The following NTRK2 variants were observed in gnomAD, a reference collection of about 807,000 sequenced individuals.
NTRK2 encodes the protein BDNF/NT-3 growth factors receptor.
NTRK2 carries 13 observed loss-of-function variants against 94.5 expected under a neutral mutation model. The observed-to-expected ratio is 0.14, with a 90% CI of 0.09 to 0.22. The LOEUF (loss-of-function observed/expected upper bound fraction) is 0.22, where lower values mean the gene tolerates loss of function less well. NTRK2 is among the 10% of genes least tolerant of loss of function. The pLI, the probability that NTRK2 is intolerant of heterozygous loss-of-function variation, is 1.00. For missense variants in NTRK2, 639 were observed against 1,071.2 expected (o/e 0.60, Z 5.63); for synonymous variants, 372 against 407.4 (o/e 0.91, Z 1.05).
At chr9:84,917,172 G>A (rs2077419033) in intron 14 of NTRK2, among the ~76,000 whole-genome samples, 1 of 152,176 alleles carries the variant, frequency 6.6e-6, no homozygotes. Flanking sequence ...AGTCAATGGT[G>A]TCAGGTGAGA....
In NTRK2 at chr9:84,675,692, A is replaced by C. The variant is rs575786610; in HGVS notation, c.212+4732A>C. 1.7e-3 allele frequency among the ~76,000 whole-genome samples: 265 copies of C among 152,060 alleles called. 1 individual carries two copies. Among genetic ancestry groups the C allele is most frequent in the African/African-American group, 6.1e-3 (252 of 41,486 alleles). Reference sequence around the variant, plus strand: ...GAGAAAGATAGAGGGAAGAAAAAAAACCCTGAATCTTGGATTATTTATGGT... The same window carrying C: ...GAGAAAGATAGAGGGAAGAAAAAAACCCCTGAATCTTGGATTATTTATGGT... On this transcript the variant is annotated intron_variant, in intron 2 of 18. Coordinates refer to ENST00000277120, the MANE Select transcript of NTRK2 (RefSeq NM_006180.6).
chr9:84,817,232 C>A (rs1213033701), intron 12 of NTRK2, among the ~76,000 whole-genome samples: 2 of 152,082 alleles, frequency 1.3e-5, no homozygotes, highest in Admixed American at 1.3e-4. Context: ...GAATTACAAA[C>A]CCACTCGCAT....
chr9:85,017,782 T>G (rs1832389943), intron 17 of NTRK2, among the ~76,000 whole-genome samples: 1 of 152,168 alleles, frequency 6.6e-6, no homozygotes, highest in Admixed American at 6.5e-5. Context: ...ATTTTAAGAT[T>G]CCTACTTCTC....
At chr9:84,766,396 T>A (rs1045836879) in intron 12 of NTRK2, among the ~76,000 whole-genome samples, 2 of 152,128 alleles carry the variant, frequency 1.3e-5, no homozygotes, top group Non-Finnish European at 2.9e-5. Context: ...TGTTGTTTTG[T>A]TTTTTTATTC....
intron 15 of NTRK2, among the ~76,000 whole-genome samples, chr9:84,938,217 G>A (rs917140477): frequency 1.3e-5 from 2 of 152,156 alleles, no homozygotes; most frequent in African/African-American, 4.8e-5. Context: ...TGCTTTTCAT[G>A]TTTCCAAATT....
intron 17 of NTRK2, among the ~76,000 whole-genome samples, chr9:85,014,354 C>T (rs116231941): frequency 9.2e-5 from 14 of 152,240 alleles, no homozygotes; most frequent in African/African-American, 2.9e-4. Flanking sequence ...ACCTGGAAAA[C>T]GAGTGGTGCA....
chr9:84,974,977 T>C (rs1826641916), intron 17 of NTRK2, among the ~76,000 whole-genome samples: 1 of 152,192 alleles, frequency 6.6e-6, no homozygotes, highest in Non-Finnish European at 1.5e-5. Context: ...CAGGATGTTC[T>C]GAGCCCTGTC....
At chr9:84,845,430 G>T (rs1340955000) in intron 12 of NTRK2, among the ~76,000 whole-genome samples, 10 of 152,138 alleles carry the variant, frequency 6.6e-5, no homozygotes. Context: ...AGTAAATACA[G>T]ATGTCTCATT....
chr9:84,978,139 G>T lies in NTRK2; in HGVS notation c.2172+22622G>T, dbSNP rs561515703. ...CCTCCAAGTTTTCAAGTGAAAGGAG[G>T]AGTCACACATATCTCACTTTAAATC... is the stretch of plus-strand genomic sequence containing the variant. On this transcript the variant is annotated intron_variant, in intron 17 of 18. Coordinates refer to ENST00000277120, the MANE Select transcript of NTRK2 (RefSeq NM_006180.6). Among the ~76,000 whole-genome samples the T allele has an allele frequency of 1.6e-4, 25 of 152,256 alleles. No individual in the cohort carries two copies. The South Asian group carries it at 5.2e-3, about 32-fold the overall frequency.
At chr9:85,020,859 T>C (rs928740445) in intron 18 of NTRK2, among the ~76,000 whole-genome samples, 1 of 152,226 alleles carries the variant, frequency 6.6e-6, no homozygotes, top group Non-Finnish European at 1.5e-5. Flanking sequence ...TTCAGATCCA[T>C]TTCTATCTTT....
chr9:85,013,261 C>T (rs1831833029), intron 17 of NTRK2, among the ~76,000 whole-genome samples: 1 of 152,200 alleles, frequency 6.6e-6, no homozygotes, highest in South Asian at 2.1e-4. Context: ...TGTCTGGCCA[C>T]AATGGCTCCA....
intron 14 of NTRK2, chr9:84,872,434 T>C: frequency 9.3e-7 from 1 of 1,076,550 alleles, no homozygotes; most frequent in South Asian, 4.3e-5. Context: ...AAATTCTGTC[T>C]TCCCTAGAGC....
intron 12 of NTRK2, among the ~76,000 whole-genome samples, chr9:84,782,675 C>T (rs908455785): frequency 6.6e-6 from 1 of 152,134 alleles, no homozygotes; most frequent in Non-Finnish European, 1.5e-5. Context: ...TGATAAATAC[C>T]ATTGTACTTG....
intron 14 of NTRK2, among the ~76,000 whole-genome samples, chr9:84,929,644 C>T (rs1269796095): frequency 6.6e-6 from 1 of 151,968 alleles, no homozygotes; most frequent in Non-Finnish European, 1.5e-5. Flanking sequence ...TCACTGCAAC[C>T]TCTGCCTCCC....
intron 12 of NTRK2, among the ~76,000 whole-genome samples, chr9:84,753,479 G>A (rs1054520552): frequency 6.6e-6 from 1 of 152,118 alleles, no homozygotes; most frequent in African/African-American, 2.4e-5. Flanking sequence ...CCTGGTTGTT[G>A]TGTTCTCTAC....
intron 11 of NTRK2, among the ~76,000 whole-genome samples, chr9:84,749,964 T>C (rs2064438842): frequency 6.6e-6 from 1 of 152,258 alleles, no homozygotes; most frequent in African/African-American, 2.4e-5. Context: ...GTGTATTGGC[T>C]AGGAGCTCTG....
At chr9:84,750,571 C>T (rs1051585511) in intron 11 of NTRK2, among the ~76,000 whole-genome samples, 2 of 152,196 alleles carry the variant, frequency 1.3e-5, no homozygotes, top group Non-Finnish European at 2.9e-5. Flanking sequence ...CCAGCTGCTG[C>T]CATTGTAAAT....
chr9:84,980,013 A>G (rs928627034), intron 17 of NTRK2, among the ~76,000 whole-genome samples: 12 of 152,236 alleles, frequency 7.9e-5, no homozygotes, highest in Non-Finnish European at 1.6e-4. Context: ...TAAGCACGGG[A>G]AAACAAAAAA....
At chr9:84,778,336 T>C (rs1163267617) in intron 12 of NTRK2, among the ~76,000 whole-genome samples, 1 of 152,194 alleles carries the variant, frequency 6.6e-6, no homozygotes, top group Admixed American at 6.5e-5. Flanking sequence ...TTTAAATAAA[T>C]TGGCCACCAG....
Sources: allele counts gnomAD v4.1 joint callset (sites outside exome capture counted in the v4.1 genomes callset), GRCh38; gene constraint gnomAD v4.1.1; transcripts MANE v1.5; gene names NCBI Gene and HGNC (gene_info 2026-07-23, HGNC 2026-07-21).